L3MBTL1: variants seen among roughly 807,000 people sequenced by gnomAD.
L3MBTL1 encodes L3MBTL histone methyl-lysine binding protein 1.
Under a neutral mutation model 105.3 loss-of-function variants are expected in L3MBTL1, and 75 were observed. The observed-to-expected ratio is 0.71, with a 90% CI of 0.59 to 0.86. The LOEUF (loss-of-function observed/expected upper bound fraction) is 0.86, where lower values mean the gene tolerates loss of function less well. Among genes scored for constraint, L3MBTL1 ranks in the 40% least tolerant of loss-of-function variants. L3MBTL1 has a pLI of 0.00. For missense variants in L3MBTL1, 1,069 were observed against 1,126.4 expected (o/e 0.95, Z 0.73); for synonymous variants, 452 against 436.2 (o/e 1.04, Z -0.45).
At chr20:43,513,744 C>A in intron 2 of L3MBTL1, 94 bp from the exon 3 acceptor site, 1 of 1,536,386 alleles carries the variant, frequency 6.5e-7, no homozygotes, top group Non-Finnish European at 8.8e-7. Flanking sequence ...TGTCCTCCAC[C>A]TGCCTTCCTT....
intron 9 of L3MBTL1, 131 bp from the exon 10 acceptor site, chr20:43,530,153 G>C: frequency 9.2e-7 from 1 of 1,091,578 alleles, no homozygotes; most frequent in Non-Finnish European, 1.4e-6. Context: ...TGGGAGGAAA[G>C]AAAGGTGGGG....
intron 5 of L3MBTL1, 24 bp from the exon 6 acceptor site, chr20:43,515,268 T>C: frequency 3.1e-6 from 5 of 1,610,784 alleles, no homozygotes; most frequent in Non-Finnish European, 4.2e-6. Context: ...GGTGGTTCTT[T>C]CCCTAAGGCT....
intron 7 of L3MBTL1, among the ~76,000 whole-genome samples, chr20:43,522,766 C>T (rs1402349395): frequency 2.0e-5 from 3 of 148,694 alleles, no homozygotes; most frequent in Non-Finnish European, 4.4e-5. Flanking sequence ...GCCACTGTGC[C>T]CGGCCAACGG....
chr20:43,536,531 A>G lies in L3MBTL1; in HGVS notation c.2173+73A>G, dbSNP rs911783968. On this transcript the variant is annotated intron_variant, in intron 19 of 21. Coordinates refer to ENST00000418998, the MANE Select transcript of L3MBTL1 (RefSeq NM_001377303.1). ...CAGCGAGTGCTCTGTCATTGGTGGGATGAGACAGATTTCCCAGAGTGGGAG... is the reference window on the plus strand; with the variant it reads ...CAGCGAGTGCTCTGTCATTGGTGGGGTGAGACAGATTTCCCAGAGTGGGAG... 5 of 1,526,874 alleles carry G rather than the reference A, an allele frequency of 3.3e-6. No homozygotes were observed. In the African/African-American group the frequency reaches 6.8e-5, roughly 21 times the overall value. The allele number at this position is 1,526,874 out of a possible 1,614,324, so 94.6% of individuals were successfully genotyped here. A position where few individuals can be genotyped will look rare whatever the true frequency, so the allele number is the denominator to read the frequency against.
At chr20:43,523,712 T>A (rs2145421646) in intron 7 of L3MBTL1, 1 of 152,662 alleles carries the variant, frequency 6.6e-6, no homozygotes, top group South Asian at 2.0e-4. Context: ...ATTTCTCTTA[T>A]TTTCTTTTTA....
At chr20:43,519,939 C>G (rs2018620455) in intron 7 of L3MBTL1, among the ~76,000 whole-genome samples, 1 of 152,168 alleles carries the variant, frequency 6.6e-6, no homozygotes, top group Non-Finnish European at 1.5e-5. Flanking sequence ...TACTGAGATA[C>G]AATTCACACA....
intron 18 of L3MBTL1, among the ~76,000 whole-genome samples, chr20:43,547,083 T>C (rs1440702746): frequency 6.6e-6 from 1 of 151,528 alleles, no homozygotes; most frequent in East Asian, 1.9e-4. Context: ...CTCCCATCCT[T>C]TTTTTCCTTT....
Position 43,528,647 on chromosome 20 carries a change from C to T in L3MBTL1, c.863-10C>T, listed in dbSNP as rs1970920249. 6.2e-7 allele frequency: 1 copy of T among 1,612,670 alleles called. No homozygotes were observed. The highest frequency in any genetic ancestry group is 1.3e-5 in the African/African-American group (1 of 75,028). On this transcript the variant is annotated splice_polypyrimidine_tract_variant and intron_variant, in intron 7 of 21. Transcript: ENST00000418998. ...GCCCAGGAGTTAGCCTGTCTGTCCC[C>T]TTTCCACAGCAACAGGTGAGAAGAA...
At chr20:43,514,129 A>T in intron 3 of L3MBTL1, 68 bp downstream of exon 3, 1 of 1,334,192 alleles carries the variant, frequency 7.5e-7, no homozygotes, top group South Asian at 1.3e-5. Flanking sequence ...GCAGGCCCGG[A>T]GGCTGGACCT....
intron 7 of L3MBTL1, among the ~76,000 whole-genome samples, chr20:43,517,319 C>G (rs1034577636): frequency 6.6e-6 from 1 of 152,168 alleles, no homozygotes; most frequent in Non-Finnish European, 1.5e-5. Context: ...TGGTCTCGAA[C>G]TCTTACCTCA....
rs750500624 is a variant in L3MBTL1 at position 43,514,638 on chromosome 20, C to T, written c.364C>T (p.Arg122Trp). The T allele has an allele frequency of 3.1e-6, 5 of 1,598,750 alleles. No individual in the cohort carries two copies. The highest frequency in any genetic ancestry group is 1.7e-4 in the Middle Eastern group (1 of 6,036). Residue 122 changes from arginine (R) to tryptophan (W), a missense_variant, in exon 4 of 22, where the codon CGG becomes TGG. By Grantham distance (101) the Arg-to-Trp change is moderately radical. Coordinates refer to ENST00000418998, the MANE Select transcript of L3MBTL1 (RefSeq NM_001377303.1). ...CTCAGACCCTCCCGCGCTCCAGTTC[C>T]GGATAAGCGAGTATAAGCCGCTGAA... ...APPPGGGLRFRISEYKPLNMA... is the reference protein window; with the variant it reads ...APPPGGGLRFWISEYKPLNMA...
chr20:43,540,126 G>C (rs751951955), intron 19 of L3MBTL1, 25 bp from the exon 20 acceptor site: 1 of 1,608,168 alleles, frequency 6.2e-7, no homozygotes, highest in South Asian at 1.1e-5. Flanking sequence ...TCGTTGGCCT[G>C]CCAGCCTCTG....
chr20:43,527,341 C>T (rs930985166), intron 7 of L3MBTL1, among the ~76,000 whole-genome samples: 6 of 152,162 alleles, frequency 3.9e-5, no homozygotes, highest in East Asian at 1.9e-4. Flanking sequence ...CTGTAGCCTT[C>T]GACTGGAGGC....
intron 11 of L3MBTL1, 93 bp downstream of exon 11, chr20:43,530,982 A>C: frequency 1.2e-5 from 12 of 995,886 alleles, no homozygotes; most frequent in Non-Finnish European, 1.6e-5. Flanking sequence ...AAGGGAGCTC[A>C]TGTGCTGGTT....
intron 7 of L3MBTL1, among the ~76,000 whole-genome samples, chr20:43,522,161 C>A (rs2018743665): frequency 6.6e-6 from 1 of 152,146 alleles, no homozygotes; most frequent in Non-Finnish European, 1.5e-5. Context: ...TTGAGACCAT[C>A]CTGGCCAACA....
chr20:43,539,922 G>T, intron 19 of L3MBTL1: 1 of 617,400 alleles, frequency 1.6e-6, no homozygotes, highest in East Asian at 2.9e-5. Context: ...GGGTCATTCC[G>T]AATAGCTGAC....
intron 2 of L3MBTL1, 29 bp from the exon 3 acceptor site, chr20:43,513,809 G>A: frequency 6.5e-7 from 1 of 1,548,938 alleles, no homozygotes; most frequent in Non-Finnish European, 8.7e-7. Context: ...ACTCACCTGT[G>A]TCGTGTCTAT....
At chr20:43,514,970 GA>G (rs777258052) in intron 4 of L3MBTL1, 38 bp from the exon 5 acceptor site, 2 of 1,603,642 alleles carry the variant, frequency 1.2e-6, no homozygotes, top group South Asian at 2.2e-5. Flanking sequence ...GTGTGGCTGC[GA>G]TGGGGAGGGA....
chr20:43,515,182 C>G, intron 5 of L3MBTL1, 23 bp downstream of exon 5: 1 of 1,614,128 alleles, frequency 6.2e-7, no homozygotes, highest in Non-Finnish European at 8.5e-7. Flanking sequence ...GGTCGCAGCC[C>G]TACTTGCTCT....
Sources: allele counts gnomAD v4.1 joint callset (sites outside exome capture counted in the v4.1 genomes callset), GRCh38; gene constraint gnomAD v4.1.1; transcripts MANE v1.5; gene names NCBI Gene and HGNC (gene_info 2026-07-23, HGNC 2026-07-21).